Variants in CSMD1 observed in about 807,000 individuals in gnomAD.
The protein encoded by CSMD1 is CUB and sushi domain-containing protein 1.
Under a neutral mutation model 417.5 loss-of-function variants are expected in CSMD1, and 213 were observed. The ratio of observed to expected loss-of-function variants is 0.51; its 90% CI spans 0.46 to 0.57. CSMD1 has a LOEUF of 0.57. CSMD1 is among the 20% of genes least tolerant of loss of function. The probability of loss-of-function intolerance (pLI) is 0.00; values close to 1 mark genes in which losing one functional copy is unlikely to be tolerated. For missense variants in CSMD1, 6,923 were observed against 4,529.7 expected (o/e 1.53, Z -15.17); for synonymous variants, 2,862 against 1,736.8 (o/e 1.65, Z -16.11).
intron 3 of CSMD1, among the ~76,000 whole-genome samples, chr8:4,078,163 G>C (rs986932244): frequency 2.0e-4 from 31 of 151,988 alleles, no homozygotes; most frequent in African/African-American, 6.5e-4. Context: ...ATTTCCAATG[G>C]CAATTCAGTT....
intron 7 of CSMD1, among the ~76,000 whole-genome samples, chr8:3,619,868 G>A (rs1275401118): frequency 2.0e-5 from 3 of 152,260 alleles, no homozygotes; most frequent in Non-Finnish European, 2.9e-5. Context: ...TTGGGAGGCT[G>A]AGGTGGGTGG....
chr8:2,955,486 T>A, intron 64 of CSMD1, 103 bp downstream of exon 64: 1 of 1,117,890 alleles, frequency 8.9e-7, no homozygotes, highest in Non-Finnish European at 1.3e-6. Flanking sequence ...TGCAGCCTCA[T>A]GCTCTTACTT....
chr8:3,338,057 C>A lies in CSMD1; in HGVS notation c.3631+5237G>T, dbSNP rs377165811. On this transcript the variant is annotated intron_variant, in intron 23 of 69. Transcript: ENST00000635120. ...CGATATCATTCATGAAACTTAATGC[C>A]AAGCAGGCGTTGTGGGATTGGAATT... Among the ~76,000 whole-genome samples the A allele has an allele frequency of 3.3e-5, 5 of 152,294 alleles. No homozygotes were observed. The East Asian group carries it at 9.7e-4, about 29-fold the overall frequency.
intron 5 of CSMD1, among the ~76,000 whole-genome samples, chr8:3,771,046 G>C (rs543571928): frequency 3.0e-4 from 45 of 152,052 alleles, no homozygotes; most frequent in African/African-American, 1.1e-3. Context: ...GCGTGTGTGT[G>C]TTTCATTTGC....
intron 3 of CSMD1, among the ~76,000 whole-genome samples, chr8:4,395,069 T>C (rs974730641): frequency 6.6e-6 from 1 of 152,072 alleles, no homozygotes; most frequent in Non-Finnish European, 1.5e-5. Flanking sequence ...AGCTCCAGGG[T>C]GTCCTGGCAC....
intron 3 of CSMD1, among the ~76,000 whole-genome samples, chr8:4,269,184 G>T (rs560208710): frequency 6.6e-6 from 1 of 152,056 alleles, no homozygotes; most frequent in African/African-American, 2.4e-5. Context: ...AGCCCTCCTA[G>T]TAGCTGGGAC....
chr8:4,745,901 G>A (rs541238236), intron 1 of CSMD1, among the ~76,000 whole-genome samples: 9 of 152,266 alleles, frequency 5.9e-5, no homozygotes, highest in South Asian at 2.1e-4. Flanking sequence ...AGCCACTTCC[G>A]TGCAATCAAG....
intron 6 of CSMD1, among the ~76,000 whole-genome samples, chr8:3,733,376 T>TC (rs1796367633): frequency 6.8e-6 from 1 of 147,834 alleles, no homozygotes; most frequent in Non-Finnish European, 1.5e-5. Context: ...ATATAAAATA[T>TC]AATATATATT....
At chr8:4,326,610 G>A (rs934865612) in intron 3 of CSMD1, among the ~76,000 whole-genome samples, 2 of 152,160 alleles carry the variant, frequency 1.3e-5, no homozygotes, top group Admixed American at 6.6e-5. Flanking sequence ...GGAGAAAACA[G>A]TAAGAAACCT....
At chr8:3,911,128 T>A (rs555015649) in intron 5 of CSMD1, among the ~76,000 whole-genome samples, 29 of 152,250 alleles carry the variant, frequency 1.9e-4, no homozygotes, top group African/African-American at 7.0e-4. Flanking sequence ...AGGTTGCCAA[T>A]CACAGGACTC....
At chr8:3,233,873 T>C (rs920070592) in intron 26 of CSMD1, among the ~76,000 whole-genome samples, 1 of 152,072 alleles carries the variant, frequency 6.6e-6, no homozygotes, top group African/African-American at 2.4e-5. Flanking sequence ...TTTTCAAAAA[T>C]AAATTAACAG....
chr8:3,459,464 G>A (rs17394429), intron 12 of CSMD1, among the ~76,000 whole-genome samples: 20,670 of 152,154 alleles, frequency 0.14, 1,419 homozygotes, highest in East Asian at 0.2. Context: ...CTGAATCTCC[G>A]TCTATGAAGA....
At chr8:4,093,102 G>A (rs1800807114) in intron 3 of CSMD1, among the ~76,000 whole-genome samples, 1 of 152,022 alleles carries the variant, frequency 6.6e-6, no homozygotes, top group South Asian at 2.1e-4. Flanking sequence ...TTAACTCAAA[G>A]GCCCTTGTGC....
chr8:3,382,210 G>A (rs933113622), intron 18 of CSMD1, among the ~76,000 whole-genome samples: 3 of 151,796 alleles, frequency 2.0e-5, no homozygotes, highest in Non-Finnish European at 4.4e-5. Context: ...AGTGAGCCGA[G>A]ATCCTGTCAC....
rs117846369 is a variant in CSMD1 at position 3,741,285 on chromosome 8, G to C, written c.931+12645C>G. 7.1e-3 allele frequency among the ~76,000 whole-genome samples: 1,052 copies of C among 149,074 alleles called. 6 individuals carry two copies. The highest frequency in any genetic ancestry group is 0.012 in the Non-Finnish European group (815 of 67,598). On this transcript the variant is annotated intron_variant, in intron 6 of 69. Coordinates refer to ENST00000635120, the MANE Select transcript of CSMD1 (RefSeq NM_033225.6). ...AGAGGAGGTATGACTCCATGCGGTA[G>C]AGTTTAGTAGGTCAGAGACTAAATG... is the stretch of plus-strand genomic sequence containing the variant.
chr8:4,100,135 C>T (rs1041173423), intron 3 of CSMD1, among the ~76,000 whole-genome samples: 2 of 152,064 alleles, frequency 1.3e-5, no homozygotes, highest in African/African-American at 4.8e-5. Flanking sequence ...CTTACTTTTC[C>T]CAATACCTTG....
At chr8:3,741,152 T>G (rs1338170428) in intron 6 of CSMD1, among the ~76,000 whole-genome samples, 2 of 145,964 alleles carry the variant, frequency 1.4e-5, no homozygotes, top group African/African-American at 5.2e-5. Flanking sequence ...AGGTGGAGGT[T>G]GCAGTGAGCT....
At chr8:4,454,708 A>C (rs1160260666) in intron 2 of CSMD1, among the ~76,000 whole-genome samples, 1 of 152,202 alleles carries the variant, frequency 6.6e-6, no homozygotes, top group Non-Finnish European at 1.5e-5. Context: ...ATCAACCTGA[A>C]ACTTTCGGTA....
At chr8:4,791,776 T>C (rs1277022386) in intron 1 of CSMD1, among the ~76,000 whole-genome samples, 2 of 152,170 alleles carry the variant, frequency 1.3e-5, no homozygotes, top group South Asian at 2.1e-4. Flanking sequence ...GTGCTAAACA[T>C]TTCACTTTGA....
Sources: gnomAD v4.1 joint callset for allele counts (sites outside exome capture counted in the v4.1 genomes callset) on GRCh38, gnomAD v4.1.1 for gene constraint, MANE v1.5 for transcripts, NCBI Gene and HGNC (gene_info 2026-07-23, HGNC 2026-07-21) for gene names.